Variants in GTF3C3 observed in about 807,000 individuals in gnomAD.
GTF3C3 encodes the protein general transcription factor IIIC subunit 3, also known as general transcription factor 3C polypeptide 3.
GTF3C3 carries 75 observed loss-of-function variants against 105.2 expected under a neutral mutation model. That is an observed-to-expected ratio of 0.71 (90% CI 0.59 to 0.86). The LOEUF is 0.86. Among genes scored for constraint, GTF3C3 ranks in the 40% least tolerant of loss-of-function variants. The pLI, the probability that GTF3C3 is intolerant of heterozygous loss-of-function variation, is 0.00. For missense variants in GTF3C3, 856 were observed against 1,076.5 expected (o/e 0.80, Z 2.87); for synonymous variants, 335 against 370.4 (o/e 0.90, Z 1.10).
At position 196,786,390 on chromosome 2, in the gene GTF3C3, T is replaced by C. The variant is rs1699452725; in HGVS notation, c.894-802A>G. Among the ~76,000 whole-genome samples the C allele has an allele frequency of 6.6e-6, 1 of 152,142 alleles. No individual in the cohort carries two copies. The highest frequency in any genetic ancestry group is 1.5e-5 in the Non-Finnish European group (1 of 68,016). On this transcript the variant is annotated intron_variant, in intron 6 of 17. Coordinates refer to ENST00000263956, the MANE Select transcript of GTF3C3 (RefSeq NM_012086.5). The surrounding 1 kb of genome is among the most constrained non-coding windows in gnomAD (Gnocchi z 4.2). ...CCTCCAGCAGTCTCCCAGTCCCCAC[T>C]CTCAGTTGATGGCCTTGCTTGACAT...
At chr2:196,773,960 G>A (rs1189152615) in intron 13 of GTF3C3, among the ~76,000 whole-genome samples, 1 of 152,172 alleles carries the variant, frequency 6.6e-6, no homozygotes, top group Admixed American at 6.5e-5. Context: ...CTGGTACCGG[G>A]GTTGGGGACC....
intron 10 of GTF3C3, chr2:196,777,585 A>G (rs1228063411): frequency 1.3e-5 from 2 of 152,170 alleles, no homozygotes; most frequent in Non-Finnish European, 2.9e-5. Context: ...TTAAATTTTG[A>G]TAATAAAGGA....
chr2:196,796,867 G>A (rs991699915), intron 2 of GTF3C3, among the ~76,000 whole-genome samples: 4 of 152,122 alleles, frequency 2.6e-5, no homozygotes, highest in Admixed American at 6.5e-5. Context: ...TTTATCAGCT[G>A]CCTTTTCCAC....
chr2:196,764,634 A>G lies in GTF3C3; in HGVS notation c.2590T>C (p.Ser864Pro). ...DLRRDIAYNL[S>P]LIYQSSGNTG... Reference sequence around the variant, plus strand: ...TTCCCACTGCTCTGATAGATGAGAGACAAGTTGTAGGCAATATCTCTTCGT... The same window carrying G: ...TTCCCACTGCTCTGATAGATGAGAGGCAAGTTGTAGGCAATATCTCTTCGT... Residue 864 changes from serine to proline, a missense_variant, in exon 18 of 18, where the codon TCT (serine) becomes CCT (proline). Physicochemically the swap from Ser to Pro is moderately conservative, Grantham distance 74. This residue lies in a region of GTF3C3 where 134 missense variants were observed against 128.9 expected (regional missense o/e 1.04). Coordinates refer to ENST00000263956, the MANE Select transcript of GTF3C3 (RefSeq NM_012086.5). 6.2e-7 allele frequency: 1 copy of G among 1,612,598 alleles called. No homozygotes were observed. Among genetic ancestry groups the G allele is most frequent in the Non-Finnish European group, 8.5e-7 (1 of 1,178,614 alleles).
At chr2:196,793,423 C>T (rs921815321) in intron 2 of GTF3C3, among the ~76,000 whole-genome samples, 4 of 151,902 alleles carry the variant, frequency 2.6e-5, no homozygotes, top group African/African-American at 4.8e-5. Flanking sequence ...CACAATAATA[C>T]AGAAGAAAAA....
At chr2:196,765,776 T>C (rs1046096611) in intron 17 of GTF3C3, among the ~76,000 whole-genome samples, 49 of 151,856 alleles carry the variant, frequency 3.2e-4, no homozygotes, top group Middle Eastern at 3.4e-3. Context: ...TTTGGGAGGC[T>C]GAGGCGGGCG....
chr2:196,791,529 T>C, intron 3 of GTF3C3, 69 bp from the exon 4 acceptor site: 2 of 1,363,000 alleles, frequency 1.5e-6, no homozygotes, highest in South Asian at 1.3e-5. Flanking sequence ...CCAGCCATAT[T>C]AATAAATATA....
chr2:196,775,036 G>C, intron 13 of GTF3C3, 80 bp downstream of exon 13: 1 of 933,238 alleles, frequency 1.1e-6, no homozygotes, highest in Non-Finnish European at 1.6e-6. Context: ...TTTTCAATTA[G>C]ATTGCTGTCC....
In GTF3C3 at chr2:196,771,841, G is replaced by A; in HGVS notation, c.2167C>T (p.Leu723Phe). ...SQDVRHHRFC[L>F]RLMLKNPENH... is the part of the protein sequence containing the mutation. ...TCTGGGTTTTTCAGCATCAAACGGA[G>A]ACAGAAGCGATGATGTCGTACATCT... The change falls in exon 15 of 18, where the codon CTC becomes TTC. Residue 723 changes from leucine (L) to phenylalanine (F), a missense_variant. Physicochemically the swap from Leu to Phe is conservative, Grantham distance 22. This residue lies in a region of GTF3C3 where 605 missense variants were observed against 833.6 expected (regional missense o/e 0.73). Transcript: ENST00000263956. 6.2e-7 allele frequency: 1 copy of A among 1,611,552 alleles called. No individual in the cohort carries two copies. Among genetic ancestry groups the A allele is most frequent in the Non-Finnish European group, 8.5e-7 (1 of 1,177,580 alleles).
chr2:196,799,627 C>G lies in GTF3C3; in HGVS notation c.-16G>C, dbSNP rs769154085. Reference sequence around the variant, plus strand: ...ACCCTGACATGTTTACAGGGTCTGTCTGTGCAACCCCAGGAACCGGGACAG... The same window carrying G: ...ACCCTGACATGTTTACAGGGTCTGTGTGTGCAACCCCAGGAACCGGGACAG... On this transcript the variant is annotated 5_prime_UTR_variant, in exon 1 of 18. Coordinates refer to ENST00000263956, the MANE Select transcript of GTF3C3 (RefSeq NM_012086.5). The G allele has an allele frequency of 2.6e-6, 4 of 1,565,208 alleles. No individual in the cohort carries two copies. The highest frequency in any genetic ancestry group is 8.8e-7 in the Non-Finnish European group (1 of 1,135,736).
intron 10 of GTF3C3, chr2:196,778,393 G>T (rs956334300): frequency 6.6e-6 from 1 of 152,478 alleles, no homozygotes; most frequent in South Asian, 2.1e-4. Context: ...AAAAGATTTA[G>T]TCATGTTTCT....
intron 7 of GTF3C3, 105 bp from the exon 8 acceptor site, chr2:196,785,034 G>A: frequency 4.1e-6 from 3 of 733,916 alleles, no homozygotes; most frequent in East Asian, 2.6e-5. Flanking sequence ...TATAAAGTTG[G>A]GCTATAAAAA....
chr2:196,792,925 T>A (rs1451085497), intron 3 of GTF3C3, 31 bp downstream of exon 3: 1 of 1,481,312 alleles, frequency 6.8e-7, no homozygotes, highest in South Asian at 1.1e-5. Flanking sequence ...TTCTTCATTG[T>A]TTATAAATAC....
intron 16 of GTF3C3, among the ~76,000 whole-genome samples, chr2:196,768,143 G>A (rs1234322526): frequency 1.3e-5 from 2 of 151,926 alleles, no homozygotes; most frequent in African/African-American, 2.4e-5. Context: ...TCAGCCTCCC[G>A]AGTAGCTGGG....
chr2:196,785,449 C>G lies in GTF3C3; in HGVS notation c.1033G>C (p.Ala345Pro), dbSNP rs1559303186. ...CACATAAGCATTCCTACCTCCAAAG[C>G]TTTGTCATACTGTTTGTTAGAAATA... ...LYISNKQYDK[A>P]LEIITDFSGI... is the part of the protein sequence containing the mutation. Residue 345 changes from alanine (A) to proline (P), a missense_variant, in exon 7 of 18, where the codon GCT becomes CCT. Physicochemically the swap from Ala to Pro is conservative, Grantham distance 27. Transcript: ENST00000263956. 1.9e-6 allele frequency: 3 copies of G among 1,598,452 alleles called. No homozygotes were observed. Among genetic ancestry groups the G allele is most frequent in the Non-Finnish European group, 2.6e-6 (3 of 1,171,156 alleles).
rs538010840 is a variant in GTF3C3 at position 196,764,370 on chromosome 2, T to C, written c.*193A>G. Reference sequence around the variant, plus strand: ...GTGAAAGGAAAATGACAGACCAATATACAAATTTTTGTAGGAATAATTTTG... The same window carrying C: ...GTGAAAGGAAAATGACAGACCAATACACAAATTTTTGTAGGAATAATTTTG... On this transcript the variant is annotated 3_prime_UTR_variant, in exon 18 of 18. Transcript: ENST00000263956. The C allele has an allele frequency of 2.8e-5, 13 of 461,054 alleles. No homozygotes were observed. The highest frequency in any genetic ancestry group is 1.8e-4 in the Admixed American group (5 of 27,096). 28.6% of individuals were successfully genotyped at this position (461,054 alleles called of 1,614,324 possible).
chr2:196,789,231 A>AT lies in GTF3C3; in HGVS notation c.865_866insA (p.Phe289TyrfsTer6). On this transcript the variant is annotated frameshift_variant, in exon 6 of 18. Transcript: ENST00000263956. LOFTEE classifies it high-confidence loss of function. ...TGCCATATCTCTAGCCAGCTGCATAAAACGTTCGCCATCAGATGGAGACAA... is the reference window on the plus strand; with the variant it reads ...TGCCATATCTCTAGCCAGCTGCATAATAACGTTCGCCATCAGATGGAGACAA... 1 of 1,611,138 alleles carries AT rather than the reference A, an allele frequency of 6.2e-7. No individual in the cohort carries two copies. Among genetic ancestry groups the AT allele is most frequent in the Non-Finnish European group, 8.5e-7 (1 of 1,179,134 alleles).
In GTF3C3 at chr2:196,764,705, T is replaced by TTTATG. The variant is rs1699030230; in HGVS notation, c.2539-25_2539-21dup. On this transcript the variant is annotated intron_variant, in intron 17 of 17. Transcript: ENST00000263956. ...TATACCCTAGGGAGAAAAAGATACCTTTATGTTTAATATTTCCAACTGTCA... is the reference window on the plus strand; with the variant it reads ...TATACCCTAGGGAGAAAAAGATACCTTTATGTTATGTTTAATATTTCCAACTGTCA... 1 of 1,596,138 alleles carries TTTATG rather than the reference T, an allele frequency of 6.3e-7. No individual in the cohort carries two copies. Among genetic ancestry groups the TTTATG allele is most frequent in the Non-Finnish European group, 8.6e-7 (1 of 1,168,548 alleles).
rs772592249 is a variant in GTF3C3 at position 196,799,619 on chromosome 2, G to C, written c.-8C>G. 8.8e-6 allele frequency: 14 copies of C among 1,599,832 alleles called. No homozygotes were observed. The highest frequency in any genetic ancestry group is 1.2e-5 in the Non-Finnish European group (14 of 1,167,110). The stretch of plus-strand genomic sequence containing the variant: ...CGGACTGAACCCTGACATGTTTACA[G>C]GGTCTGTCTGTGCAACCCCAGGAAC... On this transcript the variant is annotated 5_prime_UTR_variant, in exon 1 of 18. Coordinates refer to ENST00000263956, the MANE Select transcript of GTF3C3 (RefSeq NM_012086.5).
Sources: gnomAD v4.1 joint callset for allele counts (sites outside exome capture counted in the v4.1 genomes callset) on GRCh38, gnomAD v4.1.1 for gene constraint, gnomAD v4.1.1 regional missense constraint, Gnocchi (gnomAD v3.1) non-coding constraint, MANE v1.5 for transcripts, NCBI Gene and HGNC (gene_info 2026-07-23, HGNC 2026-07-21) for gene names.